The following ATG14 variants were observed in gnomAD, a reference collection of about 807,000 sequenced individuals.
The protein encoded by ATG14 is autophagy related 14.
In ATG14, 35 loss-of-function variants were observed where a neutral mutation model predicts 60.4. That is an observed-to-expected ratio of 0.58 (90% CI 0.44 to 0.77). ATG14 has a LOEUF of 0.77. ATG14 is among the 30% of genes least tolerant of loss of function. The pLI is 0.00. For synonymous variants in ATG14, 234 were observed against 228.8 expected, an observed-to-expected ratio of 1.02 and a Z score of -0.21; for missense variants, 647 against 626.3, an observed-to-expected ratio of 1.03 and a Z score of -0.35.
chr14:55,391,193 T>C (rs1035729929), intron 3 of ATG14: 17 of 457,150 alleles, frequency 3.7e-5, no homozygotes, highest in African/African-American at 3.1e-4. Flanking sequence ...AAAGAGAAAT[T>C]AGGCCAGTGC....
chr14:55,374,729 T>C (rs8015211), intron 9 of ATG14, among the ~76,000 whole-genome samples: 45,076 of 152,054 alleles, frequency 0.3, 7,067 homozygotes, highest in Non-Finnish European at 0.34. Flanking sequence ...ACTCAACTTT[T>C]CCCCCATATG....
At chr14:55,396,076 T>C (rs2140144510) in intron 2 of ATG14, 94 bp from the exon 3 acceptor site, 3 of 808,576 alleles carry the variant, frequency 3.7e-6, no homozygotes, top group South Asian at 4.7e-5. Flanking sequence ...ATTAAGTCCT[T>C]AGAAATGGCT....
In ATG14 at chr14:55,372,133, C is replaced by A. The variant is rs80103301; in HGVS notation, c.1173-2208G>T. On this transcript the variant is annotated intron_variant, in intron 9 of 9. Transcript: ENST00000247178. Reference sequence around the variant, plus strand: ...TTACTAAACCCTCAGGCTCATCTCACATATCTGAACCAGTCTCAAAACTTT... The same window carrying A: ...TTACTAAACCCTCAGGCTCATCTCAAATATCTGAACCAGTCTCAAAACTTT... 2.0e-5 allele frequency among the ~76,000 whole-genome samples: 3 copies of A among 152,288 alleles called. No homozygotes were observed. In the East Asian group the frequency reaches 5.8e-4, roughly 29 times the overall value.
chr14:55,368,981 C>CT lies in ATG14; in HGVS notation c.*637dup. The CT allele has an allele frequency of 6.5e-6, 1 of 152,686 alleles. No individual in the cohort carries two copies. The highest frequency in any genetic ancestry group is 1.5e-5 in the Non-Finnish European group (1 of 68,006). 9.5% of individuals were successfully genotyped at this position (152,686 alleles called of 1,614,324 possible). On this transcript the variant is annotated 3_prime_UTR_variant, in exon 10 of 10. Coordinates refer to ENST00000247178, the MANE Select transcript of ATG14 (RefSeq NM_014924.5). ...TGGATGTGGGTCCTAAAGAAAAAGA[C>CT]TTTCATTTTCTTTGGTGTGTGGGGG...
At chr14:55,387,509 T>C (rs936763545) in intron 4 of ATG14, among the ~76,000 whole-genome samples, 3 of 152,174 alleles carry the variant, frequency 2.0e-5, no homozygotes, top group Non-Finnish European at 4.4e-5. Flanking sequence ...TGATGGCGCA[T>C]AGCTCTTGGT....
chr14:55,395,689 C>T (rs1885303204), intron 3 of ATG14, among the ~76,000 whole-genome samples: 1 of 152,122 alleles, frequency 6.6e-6, no homozygotes, highest in Non-Finnish European at 1.5e-5. Context: ...AGAATAACAG[C>T]CCATTGTTTT....
intron 9 of ATG14, among the ~76,000 whole-genome samples, chr14:55,370,584 C>G (rs1884792173): frequency 1.3e-5 from 2 of 151,772 alleles, no homozygotes; most frequent in Non-Finnish European, 2.9e-5. Flanking sequence ...GCCTCATCCT[C>G]TTTGCTGGCA....
At position 55,386,075 on chromosome 14, in the gene ATG14, GT is replaced by G; in HGVS notation, c.430del (p.Thr144ProfsTer33). The part of the protein sequence containing the change: ...MEKNSEGLLK[T>X]KEKNQKLYSR... ...GTAAAGCTTCTGATTCTTTTCCTTG[GT>G]TTTGAGAAGGCCTTCAGAATCTAAA... is the stretch of plus-strand genomic sequence containing the variant. On this transcript the variant is annotated frameshift_variant, in exon 5 of 10. Coordinates refer to ENST00000247178, the MANE Select transcript of ATG14 (RefSeq NM_014924.5). LOFTEE classifies it high-confidence loss of function. 1.2e-6 allele frequency: 2 copies of G among 1,609,878 alleles called. No individual in the cohort carries two copies. Among genetic ancestry groups the G allele is most frequent in the Non-Finnish European group, 1.7e-6 (2 of 1,179,004 alleles).
intron 3 of ATG14, among the ~76,000 whole-genome samples, chr14:55,394,753 T>A (rs1351383756): frequency 6.6e-6 from 1 of 152,148 alleles, no homozygotes; most frequent in Non-Finnish European, 1.5e-5. Context: ...ATTAAAAATG[T>A]TCAATACATT....
rs780225266 is a variant in ATG14, at chr14:55,391,006, G to T, written c.328-14C>A. ...TATTTTCCATCTCTGAAAAAAGCAT[G>T]TAATAAATATCACAAACGTTGGTCT... On this transcript the variant is annotated splice_polypyrimidine_tract_variant and intron_variant, in intron 3 of 9. Coordinates refer to ENST00000247178, the MANE Select transcript of ATG14 (RefSeq NM_014924.5). 6.3e-7 allele frequency: 1 copy of T among 1,584,814 alleles called. No individual in the cohort carries two copies. Among genetic ancestry groups the T allele is most frequent in the East Asian group, 2.2e-5 (1 of 44,540 alleles).
intron 5 of ATG14, among the ~76,000 whole-genome samples, chr14:55,385,049 G>T (rs1333229798): frequency 3.9e-5 from 6 of 152,202 alleles, no homozygotes; most frequent in Non-Finnish European, 8.8e-5. Flanking sequence ...TTCAGTGCTT[G>T]ATAACAGTTA....
intron 5 of ATG14, among the ~76,000 whole-genome samples, chr14:55,382,974 AGAGT>A (rs2140132216): frequency 6.6e-6 from 1 of 152,280 alleles, no homozygotes; most frequent in Non-Finnish European, 1.5e-5. Flanking sequence ...AAATTAGTAA[AGAGT>A]GACACTGTTT....
chr14:55,398,330 TGTTTTC>T (rs1885348676), intron 1 of ATG14, among the ~76,000 whole-genome samples: 1 of 152,186 alleles, frequency 6.6e-6, no homozygotes, highest in Admixed American at 6.5e-5. Context: ...TTTTTGTTTT[TGTTTTC>T]TTTTTGCAGT....
chr14:55,373,818 A>G (rs866811545), intron 9 of ATG14, among the ~76,000 whole-genome samples: 3 of 152,012 alleles, frequency 2.0e-5, no homozygotes, highest in Non-Finnish European at 4.4e-5. Flanking sequence ...AAAAAAAAAA[A>G]AAGTTTATCT....
Position 55,381,952 on chromosome 14 carries a change from T to C in ATG14, c.877+10A>G, listed in dbSNP as rs759951442. ...TATATATAGATTTCAAAGGATATGC[T>C]GCTTCTCACCAGGCCCCTGGGTTGT... On this transcript the variant is annotated intron_variant, in intron 6 of 9. Transcript: ENST00000247178. 5 of 1,605,642 alleles carry C rather than the reference T, an allele frequency of 3.1e-6. No homozygotes were observed. In the Admixed American group the frequency reaches 8.3e-5, roughly 27 times the overall value.
intron 7 of ATG14, among the ~76,000 whole-genome samples, chr14:55,380,078 T>C (rs1157463821): frequency 6.6e-6 from 1 of 151,994 alleles, no homozygotes; most frequent in East Asian, 1.9e-4. Context: ...AAAACCCCCC[T>C]CACTCCTAGA....
rs751378199 is a variant in ATG14, at chr14:55,382,058, T to C, written c.781A>G (p.Ile261Val). Residue 261 changes from isoleucine to valine, a missense_variant, in exon 6 of 10, where the codon ATT (isoleucine) becomes GTT (valine). Transcript: ENST00000247178. ...CTAATCCAAGGCCCTGTAATGCTAA[T>C]GCTGGTGTCTCCGTTGTGATCGTCA... ...VCDDHNGDTS[I>V]SITGPWISLP... 1.2e-6 allele frequency: 2 copies of C among 1,614,196 alleles called. No homozygotes were observed. The highest frequency in any genetic ancestry group is 3.3e-5 in the Admixed American group (2 of 60,022).
At chr14:55,377,775 G>A (rs1348724715) in intron 9 of ATG14, 44 bp downstream of exon 9, 1 of 1,401,286 alleles carries the variant, frequency 7.1e-7, no homozygotes, top group Non-Finnish European at 9.8e-7. Context: ...CCTCTAACAG[G>A]ATTCACAAAA....
intron 1 of ATG14, among the ~76,000 whole-genome samples, chr14:55,398,099 C>A (rs1050162036): frequency 6.6e-6 from 1 of 152,020 alleles, no homozygotes; most frequent in Non-Finnish European, 1.5e-5. Context: ...AGGCGCCTGC[C>A]ACCATGCCCA....
Sources: allele counts gnomAD v4.1 joint callset (sites outside exome capture counted in the v4.1 genomes callset), GRCh38; gene constraint gnomAD v4.1.1; transcripts MANE v1.5; gene names NCBI Gene and HGNC (gene_info 2026-07-23, HGNC 2026-07-21).